Variants in MUC4 observed in about 807,000 individuals in gnomAD.
MUC4 encodes mucin-4.
Under a neutral mutation model 257.9 loss-of-function variants are expected in MUC4, and 202 were observed. The ratio of observed to expected loss-of-function variants is 0.78; its 90% CI spans 0.70 to 0.88. The LOEUF is 0.88. Among genes scored for constraint, MUC4 ranks in the 40% least tolerant of loss-of-function variants. MUC4 has a pLI of 0.00. For missense variants in MUC4, 5,976 were observed against 6,513.7 expected, an observed-to-expected ratio of 0.92 and a Z score of 2.84; for synonymous variants, 2,351 against 2,757.1, an observed-to-expected ratio of 0.85 and a Z score of 4.62.
rs56897401 is a variant in MUC4, at chr3:195,799,229, CTGTG to C, written c.83-7736_83-7733del. Among the ~76,000 whole-genome samples the C allele has an allele frequency of 3.1e-3, 369 of 120,084 alleles. 1 individual carries two copies. Among genetic ancestry groups the C allele is most frequent in the South Asian group, 0.01 (35 of 3,338 alleles). The allele number at this position is 120,084 out of a possible 152,430, so 78.8% of individuals were successfully genotyped here. On this transcript the variant is annotated intron_variant, in intron 1 of 24. Coordinates refer to ENST00000463781, the MANE Select transcript of MUC4 (RefSeq NM_018406.7). ...GTGTTGCTAGTATGTATGTGTGACA[CTGTG>C]TGTGTGTGTGTGTGTGTGTGTGTGT...
At position 195,790,123 on chromosome 3, in the gene MUC4, G is replaced by T. The variant is rs1294104650; in HGVS notation, c.1457C>A (p.Thr486Lys). ...GCTGGAGAATGAGGAAGGCCATGTT[G>T]TTGTTTCATGTAGAGTAAATATTTC... ...SQEIFTLHET[T>K]TWPSSFSSKG... Residue 486 changes from threonine to lysine, a missense_variant, in exon 2 of 25, where the codon ACA becomes AAA. Around this residue, in one of 44 missense-constraint regions of MUC4, gnomAD observed 1,583 missense variants for 1,257.4 expected, o/e 1.26. Coordinates refer to ENST00000463781, the MANE Select transcript of MUC4 (RefSeq NM_018406.7). The T allele has an allele frequency of 3.1e-6, 5 of 1,614,034 alleles. No homozygotes were observed. The highest frequency in any genetic ancestry group is 4.2e-6 in the Non-Finnish European group (5 of 1,179,898).
rs200197978 is a variant in MUC4 at position 195,765,458 on chromosome 3, G to A, written c.13619-9C>T. Reference sequence around the variant, plus strand: ...CTGCAGCCCTTGGAGGCCTGAGGTCGGGGATGGGGGGGAAAGGGCTTATCC... The same window carrying A: ...CTGCAGCCCTTGGAGGCCTGAGGTCAGGGATGGGGGGGAAAGGGCTTATCC... On this transcript the variant is annotated splice_polypyrimidine_tract_variant and intron_variant, in intron 8 of 24. Transcript: ENST00000463781. 7.3e-5 allele frequency: 118 copies of A among 1,608,068 alleles called. No homozygotes were observed. The highest frequency in any genetic ancestry group is 3.3e-4 in the Middle Eastern group (2 of 6,040).
At chr3:195,758,760 G>A (rs1412479042) in intron 17 of MUC4, among the ~76,000 whole-genome samples, 5 of 148,578 alleles carry the variant, frequency 3.4e-5, no homozygotes, top group Admixed American at 2.0e-4. Context: ...TAGTACAGAC[G>A]GGGTTTCACC....
At chr3:195,811,576 C>T (rs1736752091) in intron 1 of MUC4, among the ~76,000 whole-genome samples, 160 bp downstream of exon 1, 1 of 151,828 alleles carries the variant, frequency 6.6e-6, no homozygotes, top group Non-Finnish European at 1.5e-5. Context: ...TCTCCTTTCC[C>T]TCTCCCTCTT....
At chr3:195,748,024 C>T (rs1326667300) in intron 24 of MUC4, among the ~76,000 whole-genome samples, 1 of 152,198 alleles carries the variant, frequency 6.6e-6, no homozygotes, top group Non-Finnish European at 1.5e-5. Flanking sequence ...CCGCCCCACC[C>T]GCGCTCCGCC....
intron 14 of MUC4, among the ~76,000 whole-genome samples, 188 bp downstream of exon 14, chr3:195,761,899 G>T (rs1232977507): frequency 6.6e-6 from 1 of 152,168 alleles, no homozygotes; most frequent in Non-Finnish European, 1.5e-5. Context: ...GCGGGCGGAG[G>T]ACAGGAAGGG....
chr3:195,759,971 G>A (rs1349918237), intron 16 of MUC4, among the ~76,000 whole-genome samples: 2 of 95,452 alleles, frequency 2.1e-5, no homozygotes, highest in East Asian at 1.0e-3. Context: ...AAGGGACATT[G>A]CATTTGTCCA....
chr3:195,790,972 G>A lies in MUC4; in HGVS notation c.608C>T (p.Thr203Met), dbSNP rs772115464. 37 of 1,613,890 alleles carry A rather than the reference G, an allele frequency of 2.3e-5. No homozygotes were observed. Among genetic ancestry groups the A allele is most frequent in the South Asian group, 5.5e-5 (5 of 91,084 alleles). Residue 203 changes from threonine (T) to methionine (M), a missense_variant, in exon 2 of 25, where the codon ACG becomes ATG. Around this residue, in one of 44 missense-constraint regions of MUC4, gnomAD observed 1,583 missense variants for 1,257.4 expected, o/e 1.26. Transcript: ENST00000463781. The stretch of plus-strand genomic sequence containing the variant: ...GGTTTGAGATTCCCTGGTGGTCTGC[G>A]TGCTCCGAGTCCAGTGGTTCTGAGA... ...ASSQNHWTRS[T>M]QTTRESQTST...
chr3:195,784,252 G>C lies in MUC4; in HGVS notation c.7328C>G (p.Thr2443Arg), dbSNP rs201766776. Residue 2443 changes from threonine (T) to arginine (R), a missense_variant, in exon 2 of 25, where the codon ACA (threonine) becomes AGA (arginine). Transcript: ENST00000463781. ...LPVTNVSSAS[T>R]GHATPLPVTS... ...GACAGGAAGAGGGGTGGCATGACCTGTGGATGCCGAGGAAACGTTGGTGAC... is the reference window on the plus strand; with the variant it reads ...GACAGGAAGAGGGGTGGCATGACCTCTGGATGCCGAGGAAACGTTGGTGAC... The C allele has an allele frequency of 0.013, 17,324 of 1,322,192 alleles. No individual in the cohort carries two copies. The highest frequency in any genetic ancestry group is 0.015 in the Non-Finnish European group (14,894 of 962,016). The allele number at this position is 1,322,192 out of a possible 1,614,324, so 81.9% of individuals were successfully genotyped here.
In MUC4 at chr3:195,778,676, C is replaced by T. The variant is rs181836597; in HGVS notation, c.12790+114G>A. On this transcript the variant is annotated intron_variant, in intron 2 of 24. Coordinates refer to ENST00000463781, the MANE Select transcript of MUC4 (RefSeq NM_018406.7). ...CCCATCACCTCCTCCCCTGTGGGAC[C>T]TGACACGGCCCCACCAGGTAATGCG... The T allele has an allele frequency of 5.6e-5, 75 of 1,346,080 alleles. No individual in the cohort carries two copies. In the East Asian group the frequency reaches 1.6e-3, roughly 29 times the overall value. The allele number at this position is 1,346,080 out of a possible 1,614,324, so 83.4% of individuals were successfully genotyped here. A position where few individuals can be genotyped will look rare whatever the true frequency, so the allele number is the denominator to read the frequency against.
chr3:195,753,545 T>A, intron 19 of MUC4: 1 of 445,638 alleles, frequency 2.2e-6, no homozygotes, highest in Non-Finnish European at 4.0e-6. Flanking sequence ...CCCTCTCACG[T>A]CCATCTCCTT....
chr3:195,772,233 G>GCTCAGTGGGTGGAGCCCTCCCTCCA (rs1723056652), intron 4 of MUC4, among the ~76,000 whole-genome samples: 1 of 144,646 alleles, frequency 6.9e-6, no homozygotes, highest in African/African-American at 2.5e-5. Flanking sequence ...CCCTCCCTCC[G>GCTCAGTGGGTGGAGCCCTCCCTCCA]TCGCTCAGGG....
Position 195,763,622 on chromosome 3 carries a change from G to T in MUC4, c.14064C>A (p.Pro4688=). ...PPQPAWMFGD[P]HITTLDGVSY... ...TGACACCATCCAAGGTGGTGATGTGGGGGTCCCCGAACATCCAGGCTGGAA... is the reference window on the plus strand; with the variant it reads ...TGACACCATCCAAGGTGGTGATGTGTGGGTCCCCGAACATCCAGGCTGGAA... Residue 4688 remains proline (P), a synonymous_variant, in exon 12 of 25, where the codon CCC becomes CCA. Transcript: ENST00000463781. The T allele has an allele frequency of 6.5e-7, 1 of 1,545,982 alleles. No homozygotes were observed. Among genetic ancestry groups the T allele is most frequent in the East Asian group, 2.4e-5 (1 of 42,218 alleles).
chr3:195,778,671 G>A (rs576915582), intron 2 of MUC4, 119 bp downstream of exon 2: 6 of 1,320,182 alleles, frequency 4.5e-6, no homozygotes, highest in Middle Eastern at 5.0e-4. Flanking sequence ...CCTCCCCTGT[G>A]GGACCTGACA....
intron 12 of MUC4, 72 bp from the exon 13 acceptor site, chr3:195,763,017 A>G: frequency 7.8e-7 from 1 of 1,279,712 alleles, no homozygotes; most frequent in Non-Finnish European, 1.1e-6. Flanking sequence ...CAGCTGGGAG[A>G]GCCCCTGGGG....
intron 18 of MUC4, among the ~76,000 whole-genome samples, 159 bp downstream of exon 18, chr3:195,756,988 T>A (rs1430116614): frequency 6.6e-6 from 1 of 152,074 alleles, no homozygotes; most frequent in Non-Finnish European, 1.5e-5. Context: ...CCCATGTGAG[T>A]TTGTGGCCTG....
chr3:195,763,733 A>G, intron 11 of MUC4, 92 bp from the exon 12 acceptor site: 1 of 1,290,032 alleles, frequency 7.8e-7, no homozygotes, highest in Non-Finnish European at 1.0e-6. Context: ...CTTGTCCAGG[A>G]GGACTCAGGG....
rs1323507968 is a variant in MUC4, at chr3:195,750,985, C to A, written c.15775G>T (p.Ala5259Ser). The stretch of plus-strand genomic sequence containing the variant: ...CTCCGTGGAACGTGGTATAAGAACG[C>A]CTCCACCACCGCGGCCAGCAGCTGG... ...NNQLLAAVVE[A>S]FLYHVPRRSE... is the part of the protein sequence containing the mutation. Residue 5259 changes from alanine to serine, a missense_variant, in exon 23 of 25, where the codon GCG becomes TCG. Ala to Ser is a moderately conservative substitution (Grantham distance 99). Coordinates refer to ENST00000463781, the MANE Select transcript of MUC4 (RefSeq NM_018406.7). The A allele has an allele frequency of 6.2e-7, 1 of 1,614,092 alleles. No individual in the cohort carries two copies. The highest frequency in any genetic ancestry group is 1.7e-5 in the Admixed American group (1 of 60,022).
chr3:195,787,747 G>A lies in MUC4; in HGVS notation c.3833C>T (p.Thr1278Ile). 2 of 561,532 alleles carry A rather than the reference G, an allele frequency of 3.6e-6. No individual in the cohort carries two copies. The highest frequency in any genetic ancestry group is 5.4e-6 in the Non-Finnish European group (2 of 367,826). 34.8% of individuals were successfully genotyped at this position (561,532 alleles called of 1,614,324 possible). A position where few individuals can be genotyped will look rare whatever the true frequency, so the allele number is the denominator to read the frequency against. Residue 1278 changes from threonine (T) to isoleucine (I), a missense_variant, in exon 2 of 25, where the codon ACC (threonine) becomes ATC (isoleucine). Thr to Ile is a moderately conservative substitution (Grantham distance 89). Transcript: ENST00000463781. ...TDTSSVSTGD[T>I]TPLPVTSTSS... Reference sequence around the variant, plus strand: ...AGTGCTAGTGACAGGAAGAGGCGTGGTGTCACCTGTGGATACTGAGGAAGT... The same window carrying A: ...AGTGCTAGTGACAGGAAGAGGCGTGATGTCACCTGTGGATACTGAGGAAGT...
Sources: allele counts gnomAD v4.1 joint callset (sites outside exome capture counted in the v4.1 genomes callset), GRCh38; gene constraint gnomAD v4.1.1; regional missense constraint gnomAD v4.1.1; transcripts MANE v1.5; gene names NCBI Gene and HGNC (gene_info 2026-07-23, HGNC 2026-07-21).